TRAF3: variants seen among roughly 807,000 people sequenced by gnomAD.
TRAF3 encodes TNF receptor associated factor 3.
TRAF3 carries 13 observed loss-of-function variants against 62.3 expected under a neutral mutation model. The observed-to-expected ratio is 0.21, with a 90% confidence interval of 0.14 to 0.33. TRAF3 has a LOEUF of 0.33. TRAF3 is among the 10% of genes least tolerant of loss of function. The pLI, the probability that TRAF3 is intolerant of heterozygous loss-of-function variation, is 1.00. For missense variants in TRAF3, 440 were observed against 741.8 expected (o/e 0.59, Z 4.73); for synonymous variants, 269 against 283.4 (o/e 0.95, Z 0.51).
chr14:102,855,072 T>C (rs911077192), intron 2 of TRAF3, among the ~76,000 whole-genome samples: 1 of 152,218 alleles, frequency 6.6e-6, no homozygotes, highest in African/African-American at 2.4e-5. Flanking sequence ...GTATGTTTCA[T>C]GTAGATGAAA....
At chr14:102,867,715 G>A (rs1244070383) in intron 2 of TRAF3, among the ~76,000 whole-genome samples, 1 of 152,200 alleles carries the variant, frequency 6.6e-6, no homozygotes, top group Non-Finnish European at 1.5e-5. Context: ...GCTAGTACCA[G>A]GTGCCCTTGC....
At chr14:102,820,712 C>T (rs1899927493) in intron 1 of TRAF3, among the ~76,000 whole-genome samples, 1 of 140,796 alleles carries the variant, frequency 7.1e-6, no homozygotes, top group South Asian at 2.3e-4. Flanking sequence ...TGCAGTGCAG[C>T]CTCAATCTCC....
intron 10 of TRAF3, among the ~76,000 whole-genome samples, chr14:102,901,766 T>C (rs10132870): frequency 6.6e-6 from 1 of 152,208 alleles, no homozygotes; most frequent in Non-Finnish European, 1.5e-5. Context: ...AGACCTGTCA[T>C]GTTTGTGTCT....
Position 102,905,588 on chromosome 14 carries a change from C to G in TRAF3, c.1511C>G (p.Ser504Cys), listed in dbSNP as rs1248621061. 1.9e-6 allele frequency: 3 copies of G among 1,614,194 alleles called. No homozygotes were observed. Among genetic ancestry groups the G allele is most frequent in the Non-Finnish European group, 2.5e-6 (3 of 1,180,040 alleles). Residue 504 changes from serine to cysteine, a missense_variant, in exon 12 of 12, where the codon TCT becomes TGT. Ser to Cys is a moderately radical substitution (Grantham distance 112, BLOSUM62 -1). Coordinates refer to ENST00000392745, the MANE Select transcript of TRAF3 (RefSeq NM_145725.3). ...VTLMLMDQGSSRRHLGDAFKP... is the reference protein window; with the variant it reads ...VTLMLMDQGSCRRHLGDAFKP... ...CTCATGCTGATGGATCAGGGGTCCT[C>G]TCGACGTCATTTGGGAGATGCATTC...
At chr14:102,860,491 G>A (rs113961559) in intron 2 of TRAF3, among the ~76,000 whole-genome samples, 41 of 152,232 alleles carry the variant, frequency 2.7e-4, no homozygotes, top group African/African-American at 9.9e-4. Context: ...TTTAACCATA[G>A]CACTCTTTAA....
chr14:102,797,615 C>T (rs1898163233), intron 1 of TRAF3, among the ~76,000 whole-genome samples: 1 of 152,070 alleles, frequency 6.6e-6, no homozygotes, highest in Non-Finnish European at 1.5e-5. Flanking sequence ...CTTTGAAAGC[C>T]TTGTCTCCTT....
chr14:102,838,737 A>G (rs1473194967), intron 2 of TRAF3, among the ~76,000 whole-genome samples: 1 of 152,180 alleles, frequency 6.6e-6, no homozygotes, highest in Non-Finnish European at 1.5e-5. Flanking sequence ...CCAGCAGGGC[A>G]GGGTCTACTC....
intron 2 of TRAF3, among the ~76,000 whole-genome samples, chr14:102,851,599 C>A (rs923557349): frequency 2.0e-5 from 3 of 152,192 alleles, no homozygotes; most frequent in African/African-American, 7.2e-5. Context: ...AGAAAATTAG[C>A]CAGGCCTGGT....
intron 2 of TRAF3, among the ~76,000 whole-genome samples, chr14:102,837,153 G>GA (rs1297681297): frequency 7.3e-5 from 11 of 150,908 alleles, no homozygotes; most frequent in Admixed American, 6.6e-5. Flanking sequence ...TTTTTTTTGG[G>GA]GGGGGGTGAA....
intron 1 of TRAF3, among the ~76,000 whole-genome samples, chr14:102,805,247 G>A (rs898489050): frequency 1.3e-5 from 2 of 152,194 alleles, no homozygotes; most frequent in African/African-American, 4.8e-5. Context: ...TTCACTGGAT[G>A]CTTCTTTTCT....
In TRAF3 at chr14:102,905,107, G is replaced by A. The variant is rs935746179; in HGVS notation, c.1136-106G>A. 3.5e-5 allele frequency: 42 copies of A among 1,211,128 alleles called. 1 individual carries two copies. The South Asian group carries it at 4.3e-4, about 13-fold the overall frequency. The allele number at this position is 1,211,128 out of a possible 1,614,324, so 75.0% of individuals were successfully genotyped here. A position where few individuals can be genotyped will look rare whatever the true frequency, so the allele number is the denominator to read the frequency against. On this transcript the variant is annotated intron_variant, in intron 11 of 11. Transcript: ENST00000392745. ...AGTCTGGGCAACAGAGCGAGACTCCGTCTCAAAAAAATGAAATAAAATAAC... is the reference window on the plus strand; with the variant it reads ...AGTCTGGGCAACAGAGCGAGACTCCATCTCAAAAAAATGAAATAAAATAAC...
chr14:102,900,136 G>A (rs1424342558), intron 10 of TRAF3, among the ~76,000 whole-genome samples: 1 of 140,754 alleles, frequency 7.1e-6, no homozygotes, highest in African/African-American at 2.8e-5. Flanking sequence ...CCGAGATAGC[G>A]CCGCTGCAGT....
In TRAF3 at chr14:102,854,267, C is replaced by T. The variant is rs187974047; in HGVS notation, c.-17-15918C>T. ...GTGAACGTTTGTGAACAAGTTTTTG[C>T]GTGAACAGACTGGTTCTCTTGGTAT... On this transcript the variant is annotated intron_variant, in intron 2 of 11. Coordinates refer to ENST00000392745, the MANE Select transcript of TRAF3 (RefSeq NM_145725.3). Among the ~76,000 whole-genome samples the T allele has an allele frequency of 1.3e-4, 20 of 152,080 alleles. No individual in the cohort carries two copies. The East Asian group carries it at 3.3e-3, about 25-fold the overall frequency.
intron 1 of TRAF3, among the ~76,000 whole-genome samples, chr14:102,816,412 C>T (rs1383064708): frequency 6.6e-6 from 1 of 152,106 alleles, no homozygotes; most frequent in Non-Finnish European, 1.5e-5. Flanking sequence ...TTGTACAGGC[C>T]ACAGGCTAGC....
At chr14:102,863,001 A>G (rs747032821) in intron 2 of TRAF3, among the ~76,000 whole-genome samples, 2 of 152,066 alleles carry the variant, frequency 1.3e-5, no homozygotes, top group Non-Finnish European at 2.9e-5. Flanking sequence ...TCAGTGAGAC[A>G]TTGTTCTGAT....
intron 1 of TRAF3, among the ~76,000 whole-genome samples, chr14:102,798,226 C>T (rs1332834364): frequency 1.4e-5 from 2 of 144,404 alleles, no homozygotes; most frequent in Non-Finnish European, 3.1e-5. Flanking sequence ...TCAGAAAACC[C>T]TTTTTTTTTT....
At chr14:102,835,505 C>T (rs1237936592) in intron 2 of TRAF3, among the ~76,000 whole-genome samples, 2 of 152,152 alleles carry the variant, frequency 1.3e-5, no homozygotes, top group Admixed American at 1.3e-4. Flanking sequence ...CACTGAAATG[C>T]CTGTCAGTGG....
intron 1 of TRAF3, among the ~76,000 whole-genome samples, chr14:102,785,908 T>C (rs1294828105): frequency 6.6e-6 from 1 of 152,132 alleles, no homozygotes; most frequent in African/African-American, 2.4e-5. Flanking sequence ...TAGACCTAAG[T>C]TGGCCCTTGT....
At chr14:102,854,801 GTTTTTTTT>G (rs35634271) in intron 2 of TRAF3, among the ~76,000 whole-genome samples, 1 of 136,870 alleles carries the variant, frequency 7.3e-6, no homozygotes, top group Non-Finnish European at 1.6e-5. Flanking sequence ...GCACCTGGCT[GTTTTTTTT>G]TTTTTTTTTT....
Sources: gnomAD v4.1 joint callset for allele counts (sites outside exome capture counted in the v4.1 genomes callset) on GRCh38, gnomAD v4.1.1 for gene constraint, MANE v1.5 for transcripts, NCBI Gene and HGNC (gene_info 2026-07-23, HGNC 2026-07-21) for gene names.